Variants in RPS6KL1 observed in about 807,000 individuals in gnomAD.
RPS6KL1 encodes ribosomal protein S6 kinase-like 1.
In RPS6KL1, 41 loss-of-function variants were observed where a neutral mutation model predicts 57.0. That is an observed-to-expected ratio of 0.72 (90% confidence interval 0.56 to 0.93). The LOEUF (loss-of-function observed/expected upper bound fraction) is 0.93. RPS6KL1 is among the 40% of genes least tolerant of loss of function. The pLI is 0.00. For missense variants in RPS6KL1, 697 were observed against 727.7 expected, an observed-to-expected ratio of 0.96 and a Z score of 0.49; for synonymous variants, 287 against 309.7, an observed-to-expected ratio of 0.93 and a Z score of 0.77.
chr14:74,911,698 T>G, intron 6 of RPS6KL1, 96 bp downstream of exon 6: 1 of 1,172,368 alleles, frequency 8.5e-7, no homozygotes, highest in South Asian at 1.4e-5. Flanking sequence ...TGGGAGGGAG[T>G]GCAGGCTTCA....
intron 3 of RPS6KL1, 39 bp downstream of exon 3, chr14:74,921,238 T>TACCCCCCCCCCCCCCCCCCCCCCC: frequency 1.2e-6 from 1 of 840,180 alleles, no homozygotes; most frequent in Non-Finnish European, 2.0e-6. Flanking sequence ...CACTGGCCCT[T>TACCCCCCCCCCCCCCCCCCCCCCC]CCCCACCCAC....
intron 5 of RPS6KL1, among the ~76,000 whole-genome samples, chr14:74,912,337 C>T (rs1356649655): frequency 4.6e-5 from 7 of 152,108 alleles, no homozygotes; most frequent in East Asian, 1.9e-4. Flanking sequence ...TGCCACCTGA[C>T]GGGAGGGCTG....
Position 74,909,132 on chromosome 14 carries a change from C to G in RPS6KL1, c.1329G>C (p.Gly443=), listed in dbSNP as rs746844610. The change falls in exon 9 of 12, where the codon GGG becomes GGC. Residue 443 remains glycine (G), a synonymous_variant. Transcript: ENST00000557413. ...QWSEVEPQCC[G]EAVDNLYSAP... is the part of the protein sequence containing the mutation. ...CGCTGTAGAGATTGTCCACGGCCTC[C>G]CCGCAGCACTGGGGCTCCACCTCTG... is the stretch of plus-strand genomic sequence containing the variant. 6.2e-7 allele frequency: 1 copy of G among 1,614,202 alleles called. No homozygotes were observed. The highest frequency in any genetic ancestry group is 1.7e-5 in the Admixed American group (1 of 60,034).
At chr14:74,921,076 A>C (rs552563733) in intron 3 of RPS6KL1, among the ~76,000 whole-genome samples, 2 of 152,374 alleles carry the variant, frequency 1.3e-5, no homozygotes, top group South Asian at 4.1e-4. Context: ...ATCTACATGA[A>C]GCCCTTAGAA....
In RPS6KL1 at chr14:74,905,159, A is replaced by AAAC. The variant is rs1481764850; in HGVS notation, c.*1852_*1854dup. ...TAAGAGCTGGGACCCACAGTATTCT[A>AAAC]AACTCAGGGCCCAACAAAGTGTCAG... On this transcript the variant is annotated 3_prime_UTR_variant, in exon 12 of 12. Transcript: ENST00000557413. The AAAC allele has an allele frequency of 6.6e-6, 1 of 152,188 alleles. No homozygotes were observed. The highest frequency in any genetic ancestry group is 2.4e-5 in the African/African-American group (1 of 41,444). The allele number at this position is 152,188 out of a possible 1,614,324, so 9.4% of individuals were successfully genotyped here. A position where few individuals can be genotyped will look rare whatever the true frequency, so the allele number is the denominator to read the frequency against.
rs1885439442 is a variant in RPS6KL1 at position 74,909,120 on chromosome 14, G to T, written c.1341C>A (p.Asp447Glu). 1.2e-6 allele frequency: 2 copies of T among 1,614,160 alleles called. No homozygotes were observed. The highest frequency in any genetic ancestry group is 4.5e-5 in the East Asian group (2 of 44,890). ...VEPQCCGEAVDNLYSAPEVGG... is the reference protein window; with the variant it reads ...VEPQCCGEAVENLYSAPEVGG... Reference sequence around the variant, plus strand: ...TCTTGCCTGGGGCGCTGTAGAGATTGTCCACGGCCTCCCCGCAGCACTGGG... The same window carrying T: ...TCTTGCCTGGGGCGCTGTAGAGATTTTCCACGGCCTCCCCGCAGCACTGGG... The change falls in exon 9 of 12, where the codon GAC becomes GAA. Residue 447 changes from aspartate (D) to glutamate (E), a missense_variant. By Grantham distance (45) the Asp-to-Glu change is conservative. Transcript: ENST00000557413.
chr14:74,921,753 C>T (rs538029846), intron 2 of RPS6KL1, 192 bp from the exon 3 acceptor site: 424 of 1,387,984 alleles, frequency 3.1e-4, no homozygotes, highest in Admixed American at 7.7e-4. Flanking sequence ...GAATCATAAC[C>T]AGCTCAGGAT....
At position 74,906,440 on chromosome 14, in the gene RPS6KL1, C is replaced by T. The variant is rs973146409; in HGVS notation, c.*574G>A. On this transcript the variant is annotated 3_prime_UTR_variant, in exon 12 of 12. Coordinates refer to ENST00000557413, the MANE Select transcript of RPS6KL1 (RefSeq NM_031464.5). ...GGTGGGGGTGGGGGTCATCCTGTCC[C>T]CTACCTCATCCCTCCCTGCACAACA... is the stretch of plus-strand genomic sequence containing the variant. 3.5e-5 allele frequency: 14 copies of T among 402,378 alleles called. No individual in the cohort carries two copies. The highest frequency in any genetic ancestry group is 2.5e-4 in the African/African-American group (12 of 48,288). 24.9% of individuals were successfully genotyped at this position (402,378 alleles called of 1,614,324 possible). A position where few individuals can be genotyped will look rare whatever the true frequency, so the allele number is the denominator to read the frequency against.
At chr14:74,919,206 G>A (rs1887367758) in intron 4 of RPS6KL1, among the ~76,000 whole-genome samples, 1 of 152,172 alleles carries the variant, frequency 6.6e-6, no homozygotes, top group African/African-American at 2.4e-5. Flanking sequence ...GGTGGGGATA[G>A]GGAAGTAACC....
chr14:74,916,629 C>T (rs909372080), intron 5 of RPS6KL1, among the ~76,000 whole-genome samples: 1 of 151,810 alleles, frequency 6.6e-6, no homozygotes, highest in South Asian at 2.1e-4. Context: ...TGCAGTGAGC[C>T]GAGATCACGC....
Position 74,907,489 on chromosome 14 carries a change from G to C in RPS6KL1, c.1485C>G (p.Thr495=), listed in dbSNP as rs375178699. Residue 495 remains threonine (T), a synonymous_variant, in exon 11 of 12, where the codon ACC becomes ACG. Transcript: ENST00000557413. ...QSHPSGIQAH[T]QLQLPEWLSR... ...TGAGCCACTCGGGCAGCTGGAGCTGGGTGTGGGCCTGGATTCCTGAAGGGT... is the reference window on the plus strand; with the variant it reads ...TGAGCCACTCGGGCAGCTGGAGCTGCGTGTGGGCCTGGATTCCTGAAGGGT... The C allele has an allele frequency of 1.7e-5, 27 of 1,587,466 alleles. No homozygotes were observed. The highest frequency in any genetic ancestry group is 2.3e-5 in the Non-Finnish European group (27 of 1,167,058).
chr14:74,909,023 G>A, intron 9 of RPS6KL1, 78 bp downstream of exon 9: 1 of 1,576,844 alleles, frequency 6.3e-7, no homozygotes, highest in Non-Finnish European at 8.7e-7. Flanking sequence ...CACCCGCTCT[G>A]TCATTCTCAG....
intron 8 of RPS6KL1, 110 bp from the exon 9 acceptor site, chr14:74,909,300 C>T: frequency 8.5e-7 from 1 of 1,181,234 alleles, no homozygotes. Flanking sequence ...AATGGCCTTG[C>T]TGGGCAGAAA....
intron 10 of RPS6KL1, among the ~76,000 whole-genome samples, chr14:74,907,971 G>T (rs1885205663): frequency 6.6e-6 from 1 of 152,196 alleles, no homozygotes; most frequent in African/African-American, 2.4e-5. Flanking sequence ...CCACACCCCA[G>T]AAAGGCACAG....
At position 74,906,621 on chromosome 14, in the gene RPS6KL1, C is replaced by G. The variant is rs762321675; in HGVS notation, c.*393G>C. On this transcript the variant is annotated 3_prime_UTR_variant, in exon 12 of 12. Transcript: ENST00000557413. ...TCCTGAGATGAGTCTCCAGAGATGT[C>G]CTGAGTGGGGCACAACATGGCAGTG... The G allele has an allele frequency of 3.8e-6, 2 of 532,812 alleles. No homozygotes were observed. 33.0% of individuals were successfully genotyped at this position (532,812 alleles called of 1,614,324 possible).
chr14:74,911,211 G>A (rs754891797), intron 7 of RPS6KL1, 37 bp downstream of exon 7: 4 of 1,599,452 alleles, frequency 2.5e-6, no homozygotes, highest in Non-Finnish European at 3.4e-6. Context: ...TACCCCAAAG[G>A]CCTGGGGAGC....
At chr14:74,909,041 G>T in intron 9 of RPS6KL1, 60 bp downstream of exon 9, 1 of 1,588,928 alleles carries the variant, frequency 6.3e-7, no homozygotes, top group Non-Finnish European at 8.6e-7. Context: ...CAGACTCTGG[G>T]CACAACCCAC....
At chr14:74,909,388 C>T (rs1885500075) in intron 8 of RPS6KL1, 155 bp downstream of exon 8, 2 of 1,113,540 alleles carry the variant, frequency 1.8e-6, no homozygotes, top group South Asian at 1.6e-5. Context: ...TCCCAGGAGC[C>T]TCGGCCAACA....
chr14:74,911,225 CAG>C (rs760851851), intron 7 of RPS6KL1, 21 bp downstream of exon 7: 73 of 1,608,186 alleles, frequency 4.5e-5, no homozygotes, highest in African/African-American at 2.0e-4. Flanking sequence ...GGGGAGCTGA[CAG>C]GGGGCCCCAG....
Sources: allele counts gnomAD v4.1 joint callset (sites outside exome capture counted in the v4.1 genomes callset), GRCh38; gene constraint gnomAD v4.1.1; transcripts MANE v1.5; gene names NCBI Gene and HGNC (gene_info 2026-07-23, HGNC 2026-07-21).